OPCML: variants seen among roughly 807,000 people sequenced by gnomAD.
OPCML encodes opioid-binding protein/cell adhesion molecule.
OPCML carries 13 observed loss-of-function variants against 37.8 expected under a neutral mutation model. That is an observed-to-expected ratio of 0.34 (90% confidence interval 0.22 to 0.55). OPCML has a LOEUF of 0.55. OPCML is among the 20% of genes least tolerant of loss of function. The pLI, the probability that OPCML is intolerant of heterozygous loss-of-function variation, is 0.91. For missense variants in OPCML, 341 were observed against 435.6 expected (o/e 0.78, Z 1.93); for synonymous variants, 176 against 168.8 (o/e 1.04, Z -0.33).
intron 4 of OPCML, among the ~76,000 whole-genome samples, chr11:132,481,324 G>A (rs1026928389): frequency 5.3e-5 from 8 of 151,906 alleles, no homozygotes; most frequent in African/African-American, 1.9e-4. Context: ...GACAAAGAAG[G>A]CCATTACATA....
At chr11:133,051,060 C>T (rs12283120) in intron 1 of OPCML, among the ~76,000 whole-genome samples, 16 of 103,860 alleles carry the variant, frequency 1.5e-4, no homozygotes, top group Non-Finnish European at 2.4e-4. Context: ...TGTGTACATA[C>T]ACACACACAC....
chr11:132,438,023 G>A (rs2096018896), intron 4 of OPCML, among the ~76,000 whole-genome samples: 1 of 152,218 alleles, frequency 6.6e-6, no homozygotes, highest in South Asian at 2.1e-4. Context: ...ATCTGTGGTT[G>A]CCAGAATAGC....
intron 1 of OPCML, among the ~76,000 whole-genome samples, chr11:133,204,862 A>ATG (rs1938963697): frequency 8.5e-5 from 3 of 35,242 alleles, no homozygotes; most frequent in African/African-American, 5.3e-4. Context: ...ATATATATAT[A>ATG]TATGTGTATA....
intron 1 of OPCML, among the ~76,000 whole-genome samples, chr11:133,507,741 G>A (rs1229079466): frequency 6.6e-6 from 1 of 152,004 alleles, no homozygotes; most frequent in African/African-American, 2.4e-5. Context: ...GGTCAGGAGT[G>A]CAATACCAGC....
chr11:133,230,724 C>A (rs1333849954), intron 1 of OPCML, among the ~76,000 whole-genome samples: 1 of 152,186 alleles, frequency 6.6e-6, no homozygotes, highest in African/African-American at 2.4e-5. Flanking sequence ...CATCACAGCA[C>A]CTCAGGGCCA....
chr11:133,477,380 G>A (rs911868800), intron 1 of OPCML, among the ~76,000 whole-genome samples: 1 of 152,108 alleles, frequency 6.6e-6, no homozygotes, highest in Non-Finnish European at 1.5e-5. Context: ...GAATGCCCTG[G>A]CTTCTAATCC....
chr11:133,164,215 A>C (rs762789788), intron 1 of OPCML, among the ~76,000 whole-genome samples: 29 of 152,208 alleles, frequency 1.9e-4, no homozygotes, highest in Non-Finnish European at 8.8e-5. Context: ...TCAGATGGTA[A>C]GTGGCAGAAA....
chr11:132,568,208 C>A (rs919642807), intron 3 of OPCML, among the ~76,000 whole-genome samples: 2 of 152,100 alleles, frequency 1.3e-5, no homozygotes, highest in African/African-American at 4.8e-5. Context: ...TCACCAGAAG[C>A]TTATCCTAAG....
chr11:133,198,008 A>G (rs906544334), intron 1 of OPCML, among the ~76,000 whole-genome samples: 9 of 152,144 alleles, frequency 5.9e-5, no homozygotes, highest in Non-Finnish European at 8.8e-5. Flanking sequence ...CAGACGACCT[A>G]TTTTCAAGGT....
chr11:132,566,246 C>G (rs1181296104), intron 3 of OPCML, among the ~76,000 whole-genome samples: 2 of 152,048 alleles, frequency 1.3e-5, no homozygotes, highest in Non-Finnish European at 2.9e-5. Flanking sequence ...ATCTTTGGTC[C>G]CAATTCAAAC....
At chr11:132,866,071 G>GA (rs35678364) in intron 2 of OPCML, among the ~76,000 whole-genome samples, 561 of 138,958 alleles carry the variant, frequency 4.0e-3, no homozygotes, top group Middle Eastern at 7.6e-3. Flanking sequence ...TTCTCCTCAG[G>GA]AAAAAAAAAA....
At chr11:132,620,002 T>G (rs1284569345) in intron 3 of OPCML, among the ~76,000 whole-genome samples, 3 of 152,218 alleles carry the variant, frequency 2.0e-5, no homozygotes, top group Admixed American at 6.5e-5. Context: ...TGAAATTTTC[T>G]CTTAATTTTC....
At chr11:133,451,332 T>C (rs1033241370) in intron 1 of OPCML, among the ~76,000 whole-genome samples, 4 of 151,676 alleles carry the variant, frequency 2.6e-5, no homozygotes, top group African/African-American at 9.8e-5. Flanking sequence ...GGAAATGGGA[T>C]GATGCTGGGT....
intron 1 of OPCML, among the ~76,000 whole-genome samples, chr11:133,134,401 C>G (rs1037111492): frequency 2.0e-5 from 3 of 152,136 alleles, no homozygotes; most frequent in African/African-American, 7.2e-5. Flanking sequence ...CACTGGAAGT[C>G]CCAGGGACTG....
intron 2 of OPCML, among the ~76,000 whole-genome samples, chr11:132,696,272 G>T (rs1467244719): frequency 6.6e-6 from 1 of 152,110 alleles, no homozygotes. Flanking sequence ...GAGAAACTCA[G>T]TAGGAAGAAG....
At chr11:132,482,289 C>T (rs1191330334) in intron 4 of OPCML, among the ~76,000 whole-genome samples, 137 of 152,242 alleles carry the variant, frequency 9.0e-4, no homozygotes, top group African/African-American at 3.2e-3. Flanking sequence ...ATACTACAAA[C>T]ACCTCTATGC....
chr11:132,542,912 T>C (rs750356889), intron 3 of OPCML, among the ~76,000 whole-genome samples: 2 of 152,270 alleles, frequency 1.3e-5, no homozygotes, highest in South Asian at 4.1e-4. Flanking sequence ...TGCACCCAAG[T>C]TGTGGTCATT....
At chr11:133,445,217 A>G (rs1294671974) in intron 1 of OPCML, among the ~76,000 whole-genome samples, 1 of 152,092 alleles carries the variant, frequency 6.6e-6, no homozygotes, top group Non-Finnish European at 1.5e-5. Context: ...GATGGAGACC[A>G]CCATAACCCA....
intron 1 of OPCML, among the ~76,000 whole-genome samples, chr11:133,327,005 G>A (rs1943485809): frequency 7.0e-6 from 1 of 141,974 alleles, no homozygotes; most frequent in African/African-American, 2.6e-5. Context: ...GGGTGTGGGT[G>A]TATGGGGAGG....
Sources: gnomAD v4.1 joint callset for allele counts (sites outside exome capture counted in the v4.1 genomes callset) on GRCh38, gnomAD v4.1.1 for gene constraint, MANE v1.5 for transcripts, NCBI Gene and HGNC (gene_info 2026-07-23, HGNC 2026-07-21) for gene names.